EYS: variants seen among roughly 807,000 people sequenced by gnomAD.
EYS encodes the protein EGF-like photoreceptor maintenance factor.
EYS carries 250 observed loss-of-function variants against 282.1 expected under a neutral mutation model. The ratio of observed to expected loss-of-function variants is 0.89; its 90% CI spans 0.80 to 0.98. EYS has a LOEUF of 0.98. Ranked by LOEUF, EYS falls within the 50% of genes least tolerant of loss-of-function variation. The probability of loss-of-function intolerance (pLI) is 0.00; values close to 1 mark genes in which losing one functional copy is unlikely to be tolerated. For missense variants in EYS, 4,016 were observed against 3,709.0 expected (o/e 1.08, Z -2.15); for synonymous variants, 1,355 against 1,282.9 (o/e 1.06, Z -1.20).
At chr6:63,815,610 A>G (rs1191484163) in intron 36 of EYS, among the ~76,000 whole-genome samples, 2 of 152,186 alleles carry the variant, frequency 1.3e-5, no homozygotes, top group African/African-American at 4.8e-5. Flanking sequence ...CATATTAACT[A>G]CTTTGCAGTG....
At chr6:65,539,196 C>T (rs1768070652) in intron 2 of EYS, among the ~76,000 whole-genome samples, 1 of 152,196 alleles carries the variant, frequency 6.6e-6, no homozygotes, top group Non-Finnish European at 1.5e-5. Flanking sequence ...CATTGCATCA[C>T]TAAGGAGATT....
intron 22 of EYS, among the ~76,000 whole-genome samples, chr6:64,729,572 G>A (rs547809491): frequency 5.9e-5 from 9 of 152,252 alleles, no homozygotes; most frequent in East Asian, 3.9e-4. Context: ...GCCTAATTGC[G>A]CCAAATCTAA....
rs771068067 is a variant in EYS at position 65,334,989 on chromosome 6, T to C, written c.1757A>G (p.Asn586Ser). The C allele has an allele frequency of 2.5e-6, 4 of 1,608,504 alleles. No homozygotes were observed. The Admixed American group carries it at 5.0e-5, about 20-fold the overall frequency. Residue 586 changes from asparagine to serine, a missense_variant, in exon 11 of 43, where the codon AAT becomes AGT. Transcript: ENST00000503581. ...AATGATACATAAATACCTGGGTCTATTAATTTCATCTTTACAAACAGCTTC... is the reference window on the plus strand; with the variant it reads ...AATGATACATAAATACCTGGGTCTACTAATTTCATCTTTACAAACAGCTTC... The part of the protein sequence containing the change: ...QHEAVCKDEI[N>S]RPRCSCSLSY...
intron 22 of EYS, among the ~76,000 whole-genome samples, chr6:64,725,360 G>A (rs556930041): frequency 1.2e-4 from 18 of 151,908 alleles, no homozygotes; most frequent in Middle Eastern, 3.4e-3. Flanking sequence ...CTTTCCTATC[G>A]TGTTCTCCCA....
At chr6:65,355,282 G>C (rs953766721) in intron 8 of EYS, among the ~76,000 whole-genome samples, 2 of 144,992 alleles carry the variant, frequency 1.4e-5, no homozygotes, top group African/African-American at 5.1e-5. Context: ...TCAGTGACTG[G>C]TCTACCAAAA....
intron 15 of EYS, among the ~76,000 whole-genome samples, chr6:64,928,827 T>A (rs1768603142): frequency 1.3e-5 from 2 of 152,126 alleles, no homozygotes. Flanking sequence ...ACGGAATGAT[T>A]TTTTTCTAAC....
At chr6:65,154,841 A>G (rs1764695777) in intron 12 of EYS, among the ~76,000 whole-genome samples, 1 of 151,638 alleles carries the variant, frequency 6.6e-6, no homozygotes, top group Non-Finnish European at 1.5e-5. Context: ...TTATTTTCAT[A>G]TTTAAATTAG....
chr6:65,702,713 T>C (rs1372836089), intron 1 of EYS, among the ~76,000 whole-genome samples: 4 of 151,302 alleles, frequency 2.6e-5, no homozygotes, highest in Non-Finnish European at 4.4e-5. Flanking sequence ...AAATAATAAA[T>C]AAATAAATAA....
chr6:64,571,907 T>C (rs970324611), intron 26 of EYS, among the ~76,000 whole-genome samples: 1 of 152,058 alleles, frequency 6.6e-6, no homozygotes, highest in Non-Finnish European at 1.5e-5. Flanking sequence ...AAAGAGGGAC[T>C]CCTCCCTAAC....
chr6:64,709,019 T>TACACACACACACACACACACACACAC (rs36018580), intron 22 of EYS, among the ~76,000 whole-genome samples: 4 of 151,094 alleles, frequency 2.6e-5, no homozygotes, highest in African/African-American at 9.7e-5. Flanking sequence ...CATGCACACA[T>TACACACACACACACACACACACACAC]ACACACACAC....
intron 12 of EYS, among the ~76,000 whole-genome samples, chr6:65,182,618 G>A (rs1441151767): frequency 6.6e-6 from 1 of 151,712 alleles, no homozygotes; most frequent in Non-Finnish European, 1.5e-5. Flanking sequence ...TAATTTAAAT[G>A]CTAATCCTCA....
At chr6:65,685,385 T>C (rs1369927322) in intron 1 of EYS, among the ~76,000 whole-genome samples, 2 of 152,010 alleles carry the variant, frequency 1.3e-5, no homozygotes, top group East Asian at 1.9e-4. Flanking sequence ...GACATCAAAT[T>C]GAAGTTTTGT....
At chr6:65,146,331 C>T (rs1764477406) in intron 12 of EYS, among the ~76,000 whole-genome samples, 1 of 151,684 alleles carries the variant, frequency 6.6e-6, no homozygotes, top group Non-Finnish European at 1.5e-5. Context: ...AATAATGATC[C>T]ATTGAATACT....
chr6:65,664,255 G>A (rs751189282), intron 1 of EYS, among the ~76,000 whole-genome samples: 1 of 152,024 alleles, frequency 6.6e-6, no homozygotes, highest in Non-Finnish European at 1.5e-5. Flanking sequence ...TTCACCAAAC[G>A]TTCAGTCTCA....
At chr6:64,809,813 G>T (rs1302874143) in intron 22 of EYS, among the ~76,000 whole-genome samples, 1 of 152,012 alleles carries the variant, frequency 6.6e-6, no homozygotes, top group Non-Finnish European at 1.5e-5. Flanking sequence ...AGACAATGGG[G>T]ATCACTAGAT....
intron 22 of EYS, among the ~76,000 whole-genome samples, chr6:64,747,658 G>A (rs1294114806): frequency 3.3e-5 from 5 of 152,102 alleles, no homozygotes; most frequent in Non-Finnish European, 7.4e-5. Flanking sequence ...GATTATAGGC[G>A]TGAGCCACCA....
At chr6:64,175,418 C>T (rs561768691) in intron 31 of EYS, among the ~76,000 whole-genome samples, 59 of 152,206 alleles carry the variant, frequency 3.9e-4, no homozygotes, top group African/African-American at 1.4e-3. Context: ...AAAACCAACG[C>T]AGGGATGCAT....
chr6:65,128,304 A>G (rs780968426), intron 12 of EYS, among the ~76,000 whole-genome samples: 1 of 152,058 alleles, frequency 6.6e-6, no homozygotes, highest in African/African-American at 2.4e-5. Flanking sequence ...CACCTATTCA[A>G]TATAGTATTG....
At chr6:65,480,116 G>A (rs1325194526) in intron 5 of EYS, among the ~76,000 whole-genome samples, 2 of 152,078 alleles carry the variant, frequency 1.3e-5, no homozygotes, top group African/African-American at 4.8e-5. Flanking sequence ...AGTGAGCTGA[G>A]ATCGCACCAC....
Sources: allele counts gnomAD v4.1 joint callset (sites outside exome capture counted in the v4.1 genomes callset), GRCh38; gene constraint gnomAD v4.1.1; transcripts MANE v1.5; gene names NCBI Gene and HGNC (gene_info 2026-07-23, HGNC 2026-07-21).